FAM151A: variants seen among roughly 807,000 people sequenced by gnomAD.
FAM151A encodes protein FAM151A.
FAM151A carries 41 observed loss-of-function variants against 40.4 expected under a neutral mutation model. The ratio of observed to expected loss-of-function variants is 1.01; its 90% CI spans 0.79 to 1.32. The LOEUF (loss-of-function observed/expected upper bound fraction) is 1.32, where lower values mean the gene tolerates loss of function less well. Among genes scored for constraint, FAM151A ranks in the 40% most tolerant of loss-of-function variants. The pLI, the probability that FAM151A is intolerant of heterozygous loss-of-function variation, is 0.00. For missense variants in FAM151A, 740 were observed against 740.4 expected (o/e 1.00, Z 0.01); for synonymous variants, 337 against 312.5 (o/e 1.08, Z -0.83).
intron 1 of FAM151A, among the ~76,000 whole-genome samples, chr1:54,622,906 G>A (rs928551377): frequency 6.6e-6 from 1 of 152,024 alleles, no homozygotes; most frequent in African/African-American, 2.4e-5. Context: ...CAGGCATGAT[G>A]ACTCACACCT....
chr1:54,610,081 C>T (rs1435549145), intron 7 of FAM151A, 140 bp from the exon 8 acceptor site: 13 of 1,436,544 alleles, frequency 9.0e-6, no homozygotes, highest in South Asian at 1.5e-5. Flanking sequence ...CAGTTTTGGG[C>T]TCCAGGTGGA....
chr1:54,618,223 G>A (rs1275115074), intron 2 of FAM151A, among the ~76,000 whole-genome samples: 3 of 152,112 alleles, frequency 2.0e-5, no homozygotes, highest in African/African-American at 7.2e-5. Flanking sequence ...CACCTCCTCA[G>A]CCGGGCGCGG....
At chr1:54,621,286 A>G (rs1644227944) in intron 1 of FAM151A, among the ~76,000 whole-genome samples, 2 of 151,902 alleles carry the variant, frequency 1.3e-5, no homozygotes, top group African/African-American at 2.4e-5. Flanking sequence ...GTGAAACCCC[A>G]TCTCTACTAA....
Position 54,610,519 on chromosome 1 carries a change from C to A in FAM151A, c.977G>T (p.Gly326Val). The change falls in exon 7 of 8, where the codon GGC (glycine) becomes GTC (valine). Residue 326 changes from glycine (G) to valine (V), a missense_variant. Transcript: ENST00000302250. Reference sequence around the variant, plus strand: ...CAGCTGGAGAAGAGGGATCAGGCTGCCTCCCGTGTAGTACATTGGTTTCCG... The same window carrying A: ...CAGCTGGAGAAGAGGGATCAGGCTGACTCCCGTGTAGTACATTGGTTTCCG... ...ATRKPMYYTG[G>V]SLIPLLQLPG... 1 of 1,613,508 alleles carries A rather than the reference C, an allele frequency of 6.2e-7. No homozygotes were observed. The highest frequency in any genetic ancestry group is 8.5e-7 in the Non-Finnish European group (1 of 1,179,656).
In FAM151A at chr1:54,610,481, C is replaced by T. The variant is rs143979424; in HGVS notation, c.1015G>A (p.Gly339Ser). 5.0e-5 allele frequency: 75 copies of T among 1,501,046 alleles called. No homozygotes were observed. In the African/African-American group the frequency reaches 8.9e-4, roughly 18 times the overall value. The allele number at this position is 1,501,046 out of a possible 1,614,324, so 93.0% of individuals were successfully genotyped here. A position where few individuals can be genotyped will look rare whatever the true frequency, so the allele number is the denominator to read the frequency against. The change falls in exon 7 of 8, where the codon GGT (glycine) becomes AGT (serine). Residue 339 changes from glycine to serine, a missense_variant. By Grantham distance (56) the Gly-to-Ser change is moderately conservative (BLOSUM62 0). Coordinates refer to ENST00000302250, the MANE Select transcript of FAM151A (RefSeq NM_176782.3). ...IPLLQLPGDD[G>S]LNVEWLVPDV... Reference sequence around the variant, plus strand: ...GGAACCAGCCACTCCACATTCAGACCGTCATCCCCAGGCAGCTGGAGAAGA... The same window carrying T: ...GGAACCAGCCACTCCACATTCAGACTGTCATCCCCAGGCAGCTGGAGAAGA...
intron 4 of FAM151A, among the ~76,000 whole-genome samples, chr1:54,613,833 T>C (rs1644143266): frequency 6.6e-6 from 1 of 152,118 alleles, no homozygotes. Context: ...AATAATAAAT[T>C]GGATGGATGG....
At chr1:54,613,128 C>A (rs916209449) in intron 4 of FAM151A, among the ~76,000 whole-genome samples, 1 of 152,002 alleles carries the variant, frequency 6.6e-6, no homozygotes, top group Admixed American at 6.6e-5. Context: ...ACCTGTAATC[C>A]CAGCACTTTG....
rs758034352 is a variant in FAM151A, at chr1:54,610,367, C to G, written c.1084+45G>C. ...GTACCTGCCCCAAGCAAAGGACACC[C>G]CTGCAGATGAGCTGGGAGCACCGGG... On this transcript the variant is annotated intron_variant, in intron 7 of 7. Transcript: ENST00000302250. 3.7e-6 allele frequency: 6 copies of G among 1,600,340 alleles called. No homozygotes were observed. In the African/African-American group the frequency reaches 5.4e-5, roughly 14 times the overall value.
Position 54,609,738 on chromosome 1 carries a change from G to A in FAM151A, c.1288C>T (p.Arg430Cys), listed in dbSNP as rs766306986. ...TGCAAGAGGCCAAGGCTGGAGAGGC[G>A]TGCCAGCAAGGCCAGGGATGGCCGG... Reference protein sequence around the residue: ...ALRPSLALLARLSSLGLLHWP... With the variant: ...ALRPSLALLACLSSLGLLHWP... Residue 430 changes from arginine (R) to cysteine (C), a missense_variant, in exon 8 of 8, where the codon CGC becomes TGC. Physicochemically the swap from Arg to Cys is radical, Grantham distance 180. Coordinates refer to ENST00000302250, the MANE Select transcript of FAM151A (RefSeq NM_176782.3). The A allele has an allele frequency of 1.0e-4, 161 of 1,614,176 alleles. 1 individual carries two copies. In the East Asian group the frequency reaches 2.0e-3, roughly 20 times the overall value.
rs779176910 is a variant in FAM151A at position 54,619,943 on chromosome 1, C to G, written c.183G>C (p.Gln61His). The G allele has an allele frequency of 8.1e-6, 13 of 1,614,098 alleles. 1 individual carries two copies. Among genetic ancestry groups the G allele is most frequent in the Non-Finnish European group, 1.1e-5 (13 of 1,180,052 alleles). ...CCTCCAAGGCATCTCGCCGGCTGAT[C>G]TGGCCCAGGCTCAGCAGGTAGTCCA... is the stretch of plus-strand genomic sequence containing the variant. ...DMLDYLLSLG[Q>H]ISRRDALEVT... The change falls in exon 2 of 8, where the codon CAG becomes CAC. Residue 61 changes from glutamine (Q) to histidine (H), a missense_variant. Coordinates refer to ENST00000302250, the MANE Select transcript of FAM151A (RefSeq NM_176782.3).
In FAM151A at chr1:54,616,042, A is replaced by G. The variant is rs777059546; in HGVS notation, c.393T>C (p.Ala131=). The change falls in exon 3 of 8, where the codon GCT becomes GCC. Residue 131 remains alanine (A), a synonymous_variant. Transcript: ENST00000302250. ...TACCCTTTTGGGAAGAGCCCAGCAC[A>G]GCGTCCAGCCACTGCTCCAGTGTGT... ...SDNTLEQWLD[A]VLGSSQKGIK... is the part of the protein sequence containing the mutation. 3 of 1,614,038 alleles carry G rather than the reference A, an allele frequency of 1.9e-6. No homozygotes were observed. The highest frequency in any genetic ancestry group is 2.2e-5 in the South Asian group (2 of 91,068).
intron 2 of FAM151A, among the ~76,000 whole-genome samples, chr1:54,618,750 C>A (rs997980810): frequency 6.6e-6 from 1 of 152,106 alleles, no homozygotes; most frequent in African/African-American, 2.4e-5. Flanking sequence ...CAGGAGCTCG[C>A]GGTGGCTGTG....
intron 2 of FAM151A, among the ~76,000 whole-genome samples, chr1:54,619,215 C>A (rs928812807): frequency 6.6e-6 from 1 of 152,204 alleles, no homozygotes; most frequent in Non-Finnish European, 1.5e-5. Flanking sequence ...TCTTTTATAG[C>A]TACTGCTTTA....
At position 54,609,337 on chromosome 1, in the gene FAM151A, C is replaced by A; in HGVS notation, c.1689G>T (p.Arg563Ser). The A allele has an allele frequency of 6.2e-7, 1 of 1,614,102 alleles. No homozygotes were observed. Among genetic ancestry groups the A allele is most frequent in the East Asian group, 2.2e-5 (1 of 44,888 alleles). ...GGGGTAGCCTGTAGTAGACTCGGGT[C>A]CTGTCCACAGCCCTAGCTGCCAGCA... is the stretch of plus-strand genomic sequence containing the variant. ...TALLAARAVD[R>S]TRVYYRLPQG... is the part of the protein sequence containing the mutation. The change falls in exon 8 of 8, where the codon AGG (arginine) becomes AGT (serine). Residue 563 changes from arginine (R) to serine (S), a missense_variant. Coordinates refer to ENST00000302250, the MANE Select transcript of FAM151A (RefSeq NM_176782.3).
In FAM151A at chr1:54,614,587, C is replaced by T. The variant is rs1644151466; in HGVS notation, c.575+113G>A. The T allele has an allele frequency of 5.5e-6, 6 of 1,091,188 alleles. No homozygotes were observed. In the South Asian group the frequency reaches 8.2e-5, roughly 15 times the overall value. The allele number at this position is 1,091,188 out of a possible 1,614,324, so 67.6% of individuals were successfully genotyped here. On this transcript the variant is annotated intron_variant, in intron 4 of 7. Transcript: ENST00000302250. ...CATGTGCAAAGGCTCAGAGGTGAGGCTATATATAGTATGATTGGAGACAAA... is the reference window on the plus strand; with the variant it reads ...CATGTGCAAAGGCTCAGAGGTGAGGTTATATATAGTATGATTGGAGACAAA...
At chr1:54,611,521 TCCAC>T in intron 6 of FAM151A, 81 bp downstream of exon 6, 1 of 1,434,480 alleles carries the variant, frequency 7.0e-7, no homozygotes, top group Admixed American at 1.8e-5. Context: ...TGATATCCCT[TCCAC>T]CCAGCTCTGC....
intron 2 of FAM151A, among the ~76,000 whole-genome samples, chr1:54,616,455 C>T (rs1364708609): frequency 6.6e-6 from 1 of 152,034 alleles, no homozygotes; most frequent in East Asian, 1.9e-4. Context: ...GCTCCACCTC[C>T]CAGTTTCAAG....
Position 54,623,320 on chromosome 1 carries a change from C to A in FAM151A, c.76G>T (p.Val26Phe). 6.2e-7 allele frequency: 1 copy of A among 1,614,140 alleles called. No homozygotes were observed. The highest frequency in any genetic ancestry group is 8.5e-7 in the Non-Finnish European group (1 of 1,180,010). ...FAGITCVSVV[V>F]IAAIVLAITL... is the part of the protein sequence containing the mutation. ...ATGGCAAGGACTATTGCGGCAATGA[C>A]CACCACAGACACACAGGTAATGCCG... The change falls in exon 1 of 8, where the codon GTC becomes TTC. Residue 26 changes from valine (V) to phenylalanine (F), a missense_variant. Physicochemically the swap from Val to Phe is conservative, Grantham distance 50. Coordinates refer to ENST00000302250, the MANE Select transcript of FAM151A (RefSeq NM_176782.3).
At chr1:54,614,655 C>T (rs1386111025) in intron 4 of FAM151A, 45 bp downstream of exon 4, 3 of 1,569,266 alleles carry the variant, frequency 1.9e-6, no homozygotes, top group East Asian at 2.3e-5. Context: ...TAGGTGTTGA[C>T]AGAAGAGGGC....
Sources: gnomAD v4.1 joint callset for allele counts (sites outside exome capture counted in the v4.1 genomes callset) on GRCh38, gnomAD v4.1.1 for gene constraint, MANE v1.5 for transcripts, NCBI Gene and HGNC (gene_info 2026-07-23, HGNC 2026-07-21) for gene names.